NSDHL: variants seen among roughly 807,000 people sequenced by gnomAD.
NSDHL encodes the protein sterol-4-alpha-carboxylate 3-dehydrogenase, decarboxylating.
A neutral mutation model predicts 23.0 loss-of-function variants in NSDHL; 1 was observed. The ratio of observed to expected loss-of-function variants is 0.04; its 90% CI spans 0.02 to 0.21. NSDHL has a LOEUF of 0.21. Among genes scored for constraint, NSDHL ranks in the 10% least tolerant of loss-of-function variants. The probability of loss-of-function intolerance (pLI) is 1.00; values close to 1 mark genes in which losing one functional copy is unlikely to be tolerated. For missense variants in NSDHL, 237 were observed against 300.9 expected, an observed-to-expected ratio of 0.79 and a Z score of 1.57; for synonymous variants, 128 against 121.1, an observed-to-expected ratio of 1.06 and a Z score of -0.37.
At chrX:152,844,305 A>G (rs1321555372) in intron 1 of NSDHL, among the ~76,000 whole-genome samples, 1 of 111,909 alleles carries the variant, frequency 8.9e-6, no homozygotes, top group East Asian at 2.8e-4. Context: ...CAGGCAGCCG[A>G]CTCTGGGTTA....
chrX:152,843,347 A>G (rs1187730019), intron 1 of NSDHL, among the ~76,000 whole-genome samples: 3 of 112,375 alleles, frequency 2.7e-5, no homozygotes, highest in African/African-American at 6.5e-5. Context: ...CTGCTGTAAC[A>G]GATGACCACA....
intron 7 of NSDHL, 101 bp from the exon 8 acceptor site, chrX:152,868,683 A>G: frequency 1.4e-6 from 1 of 696,592 alleles, no homozygotes; most frequent in Non-Finnish European, 2.3e-6. Flanking sequence ...AGCTGCAGCA[A>G]TTAGGCAGTG....
chrX:152,851,651 C>T (rs782489172), intron 3 of NSDHL, among the ~76,000 whole-genome samples: 7 of 110,634 alleles, frequency 6.3e-5, no homozygotes, highest in Non-Finnish European at 1.3e-4. Flanking sequence ...GCCTCCGAAC[C>T]GTTCTCCCTC....
At chrX:152,848,241 A>G (rs781987711) in intron 2 of NSDHL, among the ~76,000 whole-genome samples, 7 of 111,748 alleles carry the variant, frequency 6.3e-5, no homozygotes, top group Non-Finnish European at 1.3e-4. Context: ...TGCTGTTTCC[A>G]GTCTTGAGTT....
chrX:152,868,867 C>G lies in NSDHL; in HGVS notation c.873C>G (p.Pro291=), dbSNP rs369850787. The change falls in exon 8 of 8, where the codon CCC becomes CCG. Residue 291 remains proline, a synonymous_variant. Transcript: ENST00000370274. ...TGACAGGCCTCAATTATGAGGCCCC[C>G]AAGTACCACATCCCCTACTGGGTGG... ...RILTGLNYEA[P]KYHIPYWVAY... is the part of the protein sequence containing the mutation. 2.5e-6 allele frequency: 3 copies of G among 1,210,838 alleles called. No individual in the cohort carries two copies. The highest frequency in any genetic ancestry group is 3.0e-5 in the East Asian group (1 of 33,849).
chrX:152,850,716 G>T (rs1408536507), intron 3 of NSDHL, among the ~76,000 whole-genome samples: 1 of 112,302 alleles, frequency 8.9e-6, no homozygotes, highest in Non-Finnish European at 1.9e-5. Context: ...AGCCGTCCAT[G>T]GGCTGTATTG....
chrX:152,851,865 C>T (rs1556846356), intron 3 of NSDHL, among the ~76,000 whole-genome samples: 1 of 111,204 alleles, frequency 9.0e-6, no homozygotes, highest in African/African-American at 3.3e-5. Context: ...CCAATGCCCT[C>T]GCCTCTCTCA....
chrX:152,834,107 G>T (rs1399741127), intron 1 of NSDHL, among the ~76,000 whole-genome samples: 1 of 112,151 alleles, frequency 8.9e-6, no homozygotes, highest in African/African-American at 3.2e-5. Context: ...GCCTCCAGGG[G>T]CTCGTGGTGT....
At chrX:152,860,612 G>A (rs1057209110) in intron 4 of NSDHL, among the ~76,000 whole-genome samples, 60 of 111,117 alleles carry the variant, frequency 5.4e-4, no homozygotes, top group Admixed American at 1.9e-3. Flanking sequence ...GTTTCGGGAC[G>A]CTGAGGCAGG....
Position 152,846,372 on chromosome X carries a change from T to A in NSDHL, c.48T>A (p.Thr16=), listed in dbSNP as rs1260803358. 1.7e-6 allele frequency: 2 copies of A among 1,211,341 alleles called. No individual in the cohort carries two copies. Among genetic ancestry groups the A allele is most frequent in the African/African-American group, 1.7e-5 (1 of 57,894 alleles). The change falls in exon 2 of 8, where the codon ACT becomes ACA. Residue 16 remains threonine, a synonymous_variant. Coordinates refer to ENST00000370274, the MANE Select transcript of NSDHL (RefSeq NM_015922.3). ...SEPMRDQVAR[T]HLTEDTPKVN... Reference sequence around the variant, plus strand: ...CAATGAGAGACCAAGTCGCACGGACTCATTTGACAGAGGACACTCCCAAAG... The same window carrying A: ...CAATGAGAGACCAAGTCGCACGGACACATTTGACAGAGGACACTCCCAAAG...
At chrX:152,851,725 G>A (rs782092263) in intron 3 of NSDHL, among the ~76,000 whole-genome samples, 87 of 110,514 alleles carry the variant, frequency 7.9e-4, no homozygotes, top group South Asian at 3.1e-3. Context: ...CCCCGACACC[G>A]TTCCCTCCTT....
intron 1 of NSDHL, among the ~76,000 whole-genome samples, chrX:152,842,495 A>ATTTTTTG (rs1205436575): frequency 9.1e-6 from 1 of 110,493 alleles, no homozygotes; most frequent in Non-Finnish European, 1.9e-5. Flanking sequence ...ATCGTTTTTT[A>ATTTTTTG]TTTTTTGTTT....
chrX:152,850,386 A>G lies in NSDHL; in HGVS notation c.230A>G (p.Gln77Arg), dbSNP rs1933337725. 8.3e-7 allele frequency: 1 copy of G among 1,211,264 alleles called. No individual in the cohort carries two copies. The highest frequency in any genetic ancestry group is 1.1e-6 in the Non-Finnish European group (1 of 894,835). ...FDIQQGFDNP[Q>R]VRFFLGDLCS... ...ATCCAGCAAGGGTTTGATAATCCCC[A>G]GGTGCGGTTCTTTCTGGGTGACCTC... Residue 77 changes from glutamine (Q) to arginine (R), a missense_variant, in exon 3 of 8, where the codon CAG becomes CGG. Physicochemically the swap from Gln to Arg is conservative, Grantham distance 43. Transcript: ENST00000370274.
intron 3 of NSDHL, 146 bp downstream of exon 3, chrX:152,850,569 T>C: frequency 1.8e-6 from 1 of 568,381 alleles, no homozygotes; most frequent in Non-Finnish European, 3.1e-6. Flanking sequence ...GAACACCACA[T>C]TCTTACTGCT....
chrX:152,843,122 G>T (rs2125005416), intron 1 of NSDHL, among the ~76,000 whole-genome samples: 1 of 112,206 alleles, frequency 8.9e-6, no homozygotes, highest in East Asian at 2.8e-4. Flanking sequence ...AGGCTGGTTT[G>T]CAAAGAATTG....
intron 4 of NSDHL, among the ~76,000 whole-genome samples, chrX:152,859,910 C>A (rs1448452392): frequency 8.9e-6 from 1 of 112,371 alleles, no homozygotes; most frequent in Admixed American, 9.4e-5. Flanking sequence ...GAATTTTCTG[C>A]CCATCATAGC....
intron 1 of NSDHL, among the ~76,000 whole-genome samples, chrX:152,837,890 C>A (rs1602922621): frequency 3.6e-5 from 4 of 111,837 alleles, no homozygotes; most frequent in African/African-American, 9.8e-5. Flanking sequence ...CCTCTTTGTA[C>A]CTCTGGTAGA....
chrX:152,832,873 C>A (rs187256726), intron 1 of NSDHL, among the ~76,000 whole-genome samples: 52 of 111,674 alleles, frequency 4.7e-4, no homozygotes, highest in African/African-American at 1.7e-3. Context: ...AGCAGGTCTT[C>A]AGGCAGTATT....
At position 152,858,902 on chromosome X, in the gene NSDHL, G is replaced by GAGGCTGGGGTTCAGGTAAGGGGA. The variant is rs1933484737; in HGVS notation, c.408_414+16dup. On this transcript the variant is annotated frameshift_variant, in exon 4 of 8. Coordinates refer to ENST00000370274, the MANE Select transcript of NSDHL (RefSeq NM_015922.3). LOFTEE classifies it high-confidence loss of function. ...CAAGAATGTCATTGAAACTTGCAAA[G>GAGGCTGGGGTTCAGGTAAGGGGA]AGGCTGGGGTTCAGGTAAGGGGAAG... 1 of 1,208,715 alleles carries GAGGCTGGGGTTCAGGTAAGGGGA rather than the reference G, an allele frequency of 8.3e-7. No individual in the cohort carries two copies. The highest frequency in any genetic ancestry group is 3.0e-5 in the East Asian group (1 of 33,825).
Sources: allele counts gnomAD v4.1 joint callset (sites outside exome capture counted in the v4.1 genomes callset), GRCh38; gene constraint gnomAD v4.1.1; transcripts MANE v1.5; gene names NCBI Gene and HGNC (gene_info 2026-07-23, HGNC 2026-07-21).